SPOCD1: variants seen among roughly 807,000 people sequenced by gnomAD.
SPOCD1 encodes the protein SPOC domain containing 1, also known as SPOC domain-containing protein 1.
In SPOCD1, 64 loss-of-function variants were observed where a neutral mutation model predicts 92.2. The ratio of observed to expected loss-of-function variants is 0.69; its 90% CI spans 0.57 to 0.86. The LOEUF is 0.86. SPOCD1 is among the 40% of genes least tolerant of loss of function. SPOCD1 has a pLI of 0.00. For synonymous variants in SPOCD1, 578 were observed against 619.3 expected, an observed-to-expected ratio of 0.93 and a Z score of 0.99; for missense variants, 1,360 against 1,543.1, an observed-to-expected ratio of 0.88 and a Z score of 1.99.
In SPOCD1 at chr1:31,790,804, G is replaced by A. The variant is rs749171618; in HGVS notation, c.3450C>T (p.Leu1150=). 3.9e-6 allele frequency: 6 copies of A among 1,544,816 alleles called. No homozygotes were observed. The highest frequency in any genetic ancestry group is 3.6e-5 in the South Asian group (3 of 82,532). ...TGGTCGCCAGGGATTCGAGGTGCCG[G>A]AGCAGGGCTTGGTGGGGACAGGAGT... The part of the protein sequence containing the change: ...HRDSCPHQAL[L]RHLESLATMS... The change falls in exon 16 of 16, where the codon CTC becomes CTT. Residue 1150 remains leucine, a synonymous_variant. Coordinates refer to ENST00000360482, the MANE Select transcript of SPOCD1 (RefSeq NM_144569.7).
rs780389798 is a variant in SPOCD1 at position 31,815,308 on chromosome 1, C to T, written c.26G>A (p.Gly9Asp). 2 of 1,558,254 alleles carry T rather than the reference C, an allele frequency of 1.3e-6. No homozygotes were observed. Among genetic ancestry groups the T allele is most frequent in the Non-Finnish European group, 1.7e-6 (2 of 1,147,280 alleles). The stretch of plus-strand genomic sequence containing the variant: ...GAGCACAGGGTCTCCTGTGCTGGGG[C>T]CTTCTACGTCCCCCGCCTGGGACAT... MSQAGDVE[G>D]PSTGDPVLSP... Residue 9 changes from glycine to aspartate, a missense_variant, in exon 2 of 16, where the codon GGC (glycine) becomes GAC (aspartate). Physicochemically the swap from Gly to Asp is moderately conservative, Grantham distance 94. This residue lies in a region of SPOCD1 where 140 missense variants were observed against 183.8 expected (regional missense o/e 0.76). Coordinates refer to ENST00000360482, the MANE Select transcript of SPOCD1 (RefSeq NM_144569.7).
chr1:31,801,725 C>A lies in SPOCD1; in HGVS notation c.1384-20G>T. On this transcript the variant is annotated intron_variant, in intron 2 of 15. Coordinates refer to ENST00000360482, the MANE Select transcript of SPOCD1 (RefSeq NM_144569.7). Reference sequence around the variant, plus strand: ...TTCCTCCTTGGAGAGAAAGAGGATGCAGAGATTAGAATCCAGAGGACCCAG... The same window carrying A: ...TTCCTCCTTGGAGAGAAAGAGGATGAAGAGATTAGAATCCAGAGGACCCAG... The A allele has an allele frequency of 6.2e-7, 1 of 1,611,272 alleles. No homozygotes were observed. Among genetic ancestry groups the A allele is most frequent in the Non-Finnish European group, 8.5e-7 (1 of 1,177,494 alleles).
intron 6 of SPOCD1, 50 bp from the exon 7 acceptor site, chr1:31,799,535 G>A: frequency 6.6e-7 from 1 of 1,518,700 alleles, no homozygotes; most frequent in Non-Finnish European, 9.0e-7. Flanking sequence ...GGGGAAAGGG[G>A]AGGGGGCTGA....
At position 31,807,558 on chromosome 1, in the gene SPOCD1, A is replaced by G. The variant is rs145855945; in HGVS notation, c.1384-5853T>C. 3.0e-3 allele frequency among the ~76,000 whole-genome samples: 459 copies of G among 151,522 alleles called. 2 individuals carry two copies. The Middle Eastern group carries it at 0.031, about 10-fold the overall frequency. The stretch of plus-strand genomic sequence containing the variant: ...TATGAATGCAGCAAAAGCGATAATT[A>G]AAAGGTTCTTTTATAGCTTTAAATG... On this transcript the variant is annotated intron_variant, in intron 2 of 15. Transcript: ENST00000360482.
In SPOCD1 at chr1:31,814,375, T is replaced by G; in HGVS notation, c.959A>C (p.Gln320Pro). 1.2e-6 allele frequency: 2 copies of G among 1,606,516 alleles called. No individual in the cohort carries two copies. The highest frequency in any genetic ancestry group is 1.7e-5 in the Admixed American group (1 of 59,478). Residue 320 changes from glutamine (Q) to proline (P), a missense_variant, in exon 2 of 16, where the codon CAG (glutamine) becomes CCG (proline). Around this residue, in one of 3 missense-constraint regions of SPOCD1, gnomAD observed 606 missense variants for 601.5 expected, o/e 1.01. Coordinates refer to ENST00000360482, the MANE Select transcript of SPOCD1 (RefSeq NM_144569.7). This position sits in a 1 kb window ranked among gnomAD's most constrained non-coding sequence, Gnocchi z 4.2. ...CAGTGCTGCGCTCTGTGGAGGAGCC[T>G]GTGCAGCTGAACTGAGGGACTCCCC... ...SGGESLSSAA[Q>P]APPQSAALCL... is the part of the protein sequence containing the mutation.
Position 31,814,370 on chromosome 1 carries a change from GAGCCTGTGC to G in SPOCD1, c.955_963del (p.Ala319_Ala321del), listed in dbSNP as rs1649407280. The G allele has an allele frequency of 1.9e-6, 3 of 1,605,518 alleles. No individual in the cohort carries two copies. The African/African-American group carries it at 4.0e-5, about 21-fold the overall frequency. On this transcript the variant is annotated inframe_deletion, in exon 2 of 16. Coordinates refer to ENST00000360482, the MANE Select transcript of SPOCD1 (RefSeq NM_144569.7). This position sits in a 1 kb window ranked among gnomAD's most constrained non-coding sequence, Gnocchi z 4.2. Reference sequence around the variant, plus strand: ...AGGCACAGTGCTGCGCTCTGTGGAGGAGCCTGTGCAGCTGAACTGAGGGACTCCCCTCCA... The same window carrying G: ...AGGCACAGTGCTGCGCTCTGTGGAGGAGCTGAACTGAGGGACTCCCCTCCA...
chr1:31,802,260 AT>A (rs1648520727), intron 2 of SPOCD1, among the ~76,000 whole-genome samples: 1 of 152,272 alleles, frequency 6.6e-6, no homozygotes, highest in African/African-American at 2.4e-5. Context: ...GGAAGTCATC[AT>A]AAAAATTACC....
chr1:31,790,604 C>T lies in SPOCD1; in HGVS notation c.3650G>A (p.Ter1217=). 6.4e-7 allele frequency: 1 copy of T among 1,551,438 alleles called. No homozygotes were observed. Among genetic ancestry groups the T allele is most frequent in the Non-Finnish European group, 8.7e-7 (1 of 1,146,822 alleles). ...GSECPFPRKA[*] ...CCCTGTTCTGGTGGGTAAGGAGGGT[C>T]AGGCCTTTCTAGGGAAGGGACACTC... Residue 1217 remains the stop codon, a stop_retained_variant, in exon 16 of 16, where the codon TGA becomes TAA. Transcript: ENST00000360482.
chr1:31,802,743 A>G (rs1648548492), intron 2 of SPOCD1, among the ~76,000 whole-genome samples: 1 of 152,170 alleles, frequency 6.6e-6, no homozygotes, highest in Admixed American at 6.5e-5. Context: ...AACCGGAAAC[A>G]TGTTTTTTTA....
At chr1:31,800,651 G>A in intron 3 of SPOCD1, 34 bp from the exon 4 acceptor site, 1 of 1,550,428 alleles carries the variant, frequency 6.4e-7, no homozygotes, top group Non-Finnish European at 8.7e-7. Flanking sequence ...AAGCAAGCGG[G>A]GCCAGCCGCT....
Position 31,791,200 on chromosome 1 carries a change from T to C in SPOCD1, c.3054A>G (p.Glu1018=). The change falls in exon 16 of 16, where the codon GAA becomes GAG. Residue 1018 remains glutamate, a synonymous_variant. Coordinates refer to ENST00000360482, the MANE Select transcript of SPOCD1 (RefSeq NM_144569.7). The part of the protein sequence containing the change: ...SLLLAVLLPK[E]GLPDTAGSSP... ...TGGACCCTGCTGTGTCTGGAAGCCC[T>C]TCCTTGGGGAGCAGCACAGCCAGCA... is the stretch of plus-strand genomic sequence containing the variant. 1.2e-6 allele frequency: 2 copies of C among 1,609,908 alleles called. No homozygotes were observed. Among genetic ancestry groups the C allele is most frequent in the Non-Finnish European group, 1.7e-6 (2 of 1,177,638 alleles).
rs114699193 is a variant in SPOCD1, at chr1:31,810,640, G to C, written c.1383+3311C>G. On this transcript the variant is annotated intron_variant, in intron 2 of 15. Transcript: ENST00000360482. ...TGGGATTACAGGTGTGAGCCACCAC[G>C]CCTGGCCGACATTGACCTTTAATGG... Among the ~76,000 whole-genome samples, 626 of 152,252 alleles carry C rather than the reference G, an allele frequency of 4.1e-3. 4 individuals carry two copies. The highest frequency in any genetic ancestry group is 0.014 in the African/African-American group (599 of 41,552).
At chr1:31,804,892 A>G (rs1331733621) in intron 2 of SPOCD1, among the ~76,000 whole-genome samples, 2 of 151,894 alleles carry the variant, frequency 1.3e-5, no homozygotes, top group African/African-American at 4.8e-5. Flanking sequence ...CAAGATCCCT[A>G]TATCATTTTG....
chr1:31,805,826 C>T (rs182666725), intron 2 of SPOCD1, among the ~76,000 whole-genome samples: 2 of 152,152 alleles, frequency 1.3e-5, no homozygotes, highest in Admixed American at 1.3e-4. Flanking sequence ...CAAAAATTAT[C>T]AGACCTTTAA....
At chr1:31,805,293 T>C (rs1192009880) in intron 2 of SPOCD1, among the ~76,000 whole-genome samples, 1 of 151,772 alleles carries the variant, frequency 6.6e-6, no homozygotes, top group Non-Finnish European at 1.5e-5. Flanking sequence ...TGTGCTCAAA[T>C]TTCTAAGAGA....
In SPOCD1 at chr1:31,791,516, A is replaced by C. The variant is rs554652080; in HGVS notation, c.2963-225T>G. 2.8e-4 allele frequency among the ~76,000 whole-genome samples: 42 copies of C among 152,196 alleles called. No homozygotes were observed. The South Asian group carries it at 8.7e-3, about 32-fold the overall frequency. ...ACTCTACAGACTCAAAGTCTACCTC[A>C]TTGTCTCAGGACATGGAGCCCCAAA... On this transcript the variant is annotated intron_variant, in intron 15 of 15. Coordinates refer to ENST00000360482, the MANE Select transcript of SPOCD1 (RefSeq NM_144569.7).
In SPOCD1 at chr1:31,790,578, C is replaced by G; in HGVS notation, c.*25G>C. On this transcript the variant is annotated 3_prime_UTR_variant, in exon 16 of 16. Transcript: ENST00000360482. The stretch of plus-strand genomic sequence containing the variant: ...TTCAACACTAGTGAGGGCATCAAAA[C>G]CCCTGTTCTGGTGGGTAAGGAGGGT... 1 of 1,547,436 alleles carries G rather than the reference C, an allele frequency of 6.5e-7. No individual in the cohort carries two copies. The highest frequency in any genetic ancestry group is 8.7e-7 in the Non-Finnish European group (1 of 1,143,938).
chr1:31,800,243 C>G, intron 4 of SPOCD1, 102 bp from the exon 5 acceptor site: 1 of 1,508,778 alleles, frequency 6.6e-7, no homozygotes, highest in Non-Finnish European at 8.8e-7. Context: ...CTCCAGTCCA[C>G]CCTGAATTCA....
At chr1:31,799,734 A>T in intron 6 of SPOCD1, 75 bp downstream of exon 6, 2 of 1,547,692 alleles carry the variant, frequency 1.3e-6, no homozygotes, top group Non-Finnish European at 1.8e-6. Context: ...GGCTGGGCCC[A>T]GGAGCTGGGC....
Sources: allele counts gnomAD v4.1 joint callset (sites outside exome capture counted in the v4.1 genomes callset), GRCh38; gene constraint gnomAD v4.1.1; regional missense constraint gnomAD v4.1.1; non-coding constraint Gnocchi (gnomAD v3.1); transcripts MANE v1.5; gene names NCBI Gene and HGNC (gene_info 2026-07-23, HGNC 2026-07-21).